The following JPH3 variants were observed in gnomAD, a reference collection of about 807,000 sequenced individuals.
JPH3 encodes the protein junctophilin-3.
Under a neutral mutation model 59.6 loss-of-function variants are expected in JPH3, and 11 were observed. The observed-to-expected ratio is 0.18, with a 90% CI of 0.12 to 0.31. The LOEUF is 0.31. Among genes scored for constraint, JPH3 ranks in the 10% least tolerant of loss-of-function variants. The pLI is 1.00. For missense variants in JPH3, 1,202 were observed against 1,105.7 expected (o/e 1.09, Z -1.24); for synonymous variants, 673 against 483.6 (o/e 1.39, Z -5.14).
intron 1 of JPH3, among the ~76,000 whole-genome samples, chr16:87,641,848 C>A (rs1251162372): frequency 6.6e-6 from 1 of 152,264 alleles, no homozygotes; most frequent in African/African-American, 2.4e-5. Flanking sequence ...CCTCTGGGGG[C>A]TCGTGATGTG....
chr16:87,674,564 C>G (rs971734930), intron 2 of JPH3, among the ~76,000 whole-genome samples: 1 of 152,154 alleles, frequency 6.6e-6, no homozygotes, highest in Non-Finnish European at 1.5e-5. Flanking sequence ...AGCATAACCC[C>G]ATTTGTGCGG....
chr16:87,677,149 A>G (rs894678851), intron 2 of JPH3, among the ~76,000 whole-genome samples: 8 of 146,866 alleles, frequency 5.4e-5, no homozygotes, highest in African/African-American at 2.1e-4. Context: ...ACAGAGTGGG[A>G]CTCCATTATA....
intron 1 of JPH3, among the ~76,000 whole-genome samples, chr16:87,628,830 G>A (rs2031469109): frequency 6.6e-6 from 1 of 152,092 alleles, no homozygotes; most frequent in Admixed American, 6.5e-5. Flanking sequence ...GTCCCCAGCA[G>A]GTGTGGCTGG....
chr16:87,690,499 G>T lies in JPH3; in HGVS notation c.2139G>T (p.Glu713Asp). The T allele has an allele frequency of 6.7e-7, 1 of 1,483,682 alleles. No homozygotes were observed. Among genetic ancestry groups the T allele is most frequent in the Non-Finnish European group, 8.9e-7 (1 of 1,118,030 alleles). The allele number at this position is 1,483,682 out of a possible 1,614,324, so 91.9% of individuals were successfully genotyped here. Reference sequence around the variant, plus strand: ...CTGTCGCTCTAGAGTCCGACGAGGAGAATGGGGATGAGCTCAAGTCCAGTA... The same window carrying T: ...CTGTCGCTCTAGAGTCCGACGAGGATAATGGGGATGAGCTCAAGTCCAGTA... ...SLPVALESDE[E>D]NGDELKSSTG... The change falls in exon 4 of 5, where the codon GAG becomes GAT. Residue 713 changes from glutamate to aspartate, a missense_variant. By Grantham distance (45) the Glu-to-Asp change is conservative (BLOSUM62 2). Transcript: ENST00000284262.
intron 1 of JPH3, among the ~76,000 whole-genome samples, chr16:87,626,221 G>C (rs766626473): frequency 6.6e-6 from 1 of 152,124 alleles, no homozygotes; most frequent in Non-Finnish European, 1.5e-5. Flanking sequence ...TGTGGGGTGG[G>C]AATCATTTTT....
intron 2 of JPH3, among the ~76,000 whole-genome samples, chr16:87,672,796 G>A (rs2033050990): frequency 6.6e-6 from 1 of 152,192 alleles, no homozygotes; most frequent in Non-Finnish European, 1.5e-5. Flanking sequence ...GGTGGCCATT[G>A]GGGAAAGGTA....
intron 4 of JPH3, among the ~76,000 whole-genome samples, 198 bp downstream of exon 4, chr16:87,690,724 T>C (rs976803374): frequency 2.0e-5 from 3 of 152,128 alleles, no homozygotes; most frequent in Admixed American, 2.0e-4. Context: ...GGGGCAGGTG[T>C]CATACCTCTT....
intron 2 of JPH3, among the ~76,000 whole-genome samples, chr16:87,670,773 C>A (rs62053821): frequency 1.3e-5 from 2 of 152,144 alleles, no homozygotes; most frequent in African/African-American, 2.4e-5. Flanking sequence ...CTGTGCCAGG[C>A]CCTGTCGTTG....
intron 1 of JPH3, among the ~76,000 whole-genome samples, chr16:87,636,741 G>T (rs949562543): frequency 6.6e-6 from 1 of 152,212 alleles, no homozygotes; most frequent in Non-Finnish European, 1.5e-5. Flanking sequence ...TTGCAAACAC[G>T]GGGCAGGAAA....
At chr16:87,663,263 G>A (rs1280989139) in intron 2 of JPH3, among the ~76,000 whole-genome samples, 3 of 152,036 alleles carry the variant, frequency 2.0e-5, no homozygotes, top group Admixed American at 6.6e-5. Flanking sequence ...CCTGTGCCAC[G>A]TGTCCAGCTA....
intron 2 of JPH3, among the ~76,000 whole-genome samples, chr16:87,657,220 C>T (rs534373660): frequency 6.6e-6 from 1 of 152,158 alleles, no homozygotes; most frequent in Admixed American, 6.5e-5. Context: ...GCCAAACTGA[C>T]CAGACCTAAA....
intron 2 of JPH3, among the ~76,000 whole-genome samples, chr16:87,665,749 T>C (rs2150862837): frequency 6.6e-6 from 1 of 152,344 alleles, no homozygotes; most frequent in East Asian, 1.9e-4. Context: ...CGAGTCTGGC[T>C]TCCGTCAGAC....
chr16:87,629,426 T>C (rs1464176774), intron 1 of JPH3, among the ~76,000 whole-genome samples: 5 of 152,096 alleles, frequency 3.3e-5, no homozygotes, highest in African/African-American at 1.2e-4. Context: ...TTGTGGGTTT[T>C]TTTTTTTTTA....
Position 87,616,545 on chromosome 16 carries a change from C to G in JPH3, c.382+13017C>G, listed in dbSNP as rs7191413. ...GATTACAGGTGTGAGCCACTGTGCC[C>G]AGCCAGGTTTTGTATTTTTGTAATT... is the stretch of plus-strand genomic sequence containing the variant. On this transcript the variant is annotated intron_variant, in intron 1 of 4. Transcript: ENST00000284262. Among the ~76,000 whole-genome samples, 1,269 of 151,842 alleles carry G rather than the reference C, an allele frequency of 8.4e-3. 18 individuals carry two copies. Among genetic ancestry groups the G allele is most frequent in the African/African-American group, 0.03 (1,232 of 41,372 alleles).
intron 2 of JPH3, among the ~76,000 whole-genome samples, chr16:87,648,451 G>A (rs1443379962): frequency 6.6e-6 from 1 of 152,202 alleles, no homozygotes; most frequent in Non-Finnish European, 1.5e-5. Context: ...TAGGGCAGCT[G>A]GCACTGTCCT....
intron 1 of JPH3, among the ~76,000 whole-genome samples, chr16:87,628,971 T>C (rs1437894555): frequency 6.6e-6 from 1 of 152,064 alleles, no homozygotes; most frequent in Non-Finnish European, 1.5e-5. Context: ...CCAGAGTTAC[T>C]GGGTGTGGGG....
At chr16:87,661,067 T>C (rs921413863) in intron 2 of JPH3, among the ~76,000 whole-genome samples, 3 of 152,200 alleles carry the variant, frequency 2.0e-5, no homozygotes, top group African/African-American at 7.2e-5. Context: ...AAATTTATAA[T>C]ACATAAGTTT....
At chr16:87,645,418 G>C (rs957751784) in intron 2 of JPH3, among the ~76,000 whole-genome samples, 1 of 152,216 alleles carries the variant, frequency 6.6e-6, no homozygotes, top group Non-Finnish European at 1.5e-5. Context: ...CCACCAGGTG[G>C]GGGTGGCAGG....
Position 87,684,239 on chromosome 16 carries a change from T to A in JPH3, c.1258T>A (p.Ser420Thr), listed in dbSNP as rs767502726. ...RIARITAKEF[S>T]PSFQHRENGL... ...CGCCAGGATCACTGCCAAAGAGTTC[T>A]CCCCTTCCTTCCAGCACCGGGAAAA... Residue 420 changes from serine (S) to threonine (T), a missense_variant, in exon 3 of 5, where the codon TCC (serine) becomes ACC (threonine). Coordinates refer to ENST00000284262, the MANE Select transcript of JPH3 (RefSeq NM_020655.4). 2.5e-6 allele frequency: 4 copies of A among 1,613,798 alleles called. No homozygotes were observed. Among genetic ancestry groups the A allele is most frequent in the Non-Finnish European group, 8.5e-7 (1 of 1,179,998 alleles).
Sources: allele counts gnomAD v4.1 joint callset (sites outside exome capture counted in the v4.1 genomes callset), GRCh38; gene constraint gnomAD v4.1.1; transcripts MANE v1.5; gene names NCBI Gene and HGNC (gene_info 2026-07-23, HGNC 2026-07-21).